The following UPP1 variants were observed in gnomAD, a reference collection of about 807,000 sequenced individuals.
UPP1 encodes the protein uridine phosphorylase 1.
UPP1 carries 25 observed loss-of-function variants against 29.6 expected under a neutral mutation model. That is an observed-to-expected ratio of 0.85 (90% CI 0.62 to 1.18). UPP1 has a LOEUF of 1.18. Among genes scored for constraint, UPP1 ranks in the 50% most tolerant of loss-of-function variants. The probability of loss-of-function intolerance (pLI) is 0.00; values close to 1 mark genes in which losing one functional copy is unlikely to be tolerated. For missense variants in UPP1, 368 were observed against 410.4 expected, an observed-to-expected ratio of 0.90 and a Z score of 0.89; for synonymous variants, 165 against 159.8, an observed-to-expected ratio of 1.03 and a Z score of -0.25.
intron 6 of UPP1, chr7:48,103,847 A>G (rs1665837420): frequency 2.3e-6 from 3 of 1,289,810 alleles, no homozygotes; most frequent in South Asian, 1.2e-5. Context: ...GAGGCGCAGT[A>G]CAAAACTCAG....
intron 2 of UPP1, among the ~76,000 whole-genome samples, chr7:48,093,019 A>C (rs1008640954): frequency 3.3e-5 from 5 of 152,072 alleles, no homozygotes; most frequent in Non-Finnish European, 5.9e-5. Flanking sequence ...TTTCTAAAAA[A>C]ATGAAGAATA....
At chr7:48,094,922 T>C (rs1792045995) in intron 3 of UPP1, 95 bp downstream of exon 3, 5 of 1,386,852 alleles carry the variant, frequency 3.6e-6, no homozygotes, top group East Asian at 2.4e-5. Flanking sequence ...ACTTGACATA[T>C]ATTAACACAT....
intron 2 of UPP1, among the ~76,000 whole-genome samples, chr7:48,090,643 ATGT>A (rs1791776627): frequency 6.6e-6 from 1 of 152,188 alleles, no homozygotes; most frequent in Admixed American, 6.5e-5. Flanking sequence ...AATAGAAAGA[ATGT>A]CTTACTCTGG....
chr7:48,103,296 G>A lies in UPP1; in HGVS notation c.322-1G>A. On this transcript the variant is annotated splice_acceptor_variant, in intron 5 of 8. Coordinates refer to ENST00000395564, the MANE Select transcript of UPP1 (RefSeq NM_003364.4). LOFTEE classifies it high-confidence loss of function. Reference sequence around the variant, plus strand: ...ACATGGGTGTTTCTCCCTGGTTCCAGCATGGTATGGGCATTCCTTCTATCT... The same window carrying A: ...ACATGGGTGTTTCTCCCTGGTTCCAACATGGTATGGGCATTCCTTCTATCT... The A allele has an allele frequency of 6.2e-7, 1 of 1,613,172 alleles. No homozygotes were observed. The highest frequency in any genetic ancestry group is 1.1e-5 in the South Asian group (1 of 91,058).
chr7:48,094,635 A>C (rs1342775443), intron 2 of UPP1, 128 bp from the exon 3 acceptor site: 1 of 728,846 alleles, frequency 1.4e-6, no homozygotes, highest in Non-Finnish European at 2.4e-6. Flanking sequence ...CACACAATTC[A>C]CACACTTACA....
intron 5 of UPP1, 95 bp from the exon 6 acceptor site, chr7:48,103,202 G>A (rs1792527433): frequency 2.3e-6 from 2 of 861,042 alleles, no homozygotes; most frequent in African/African-American, 1.7e-5. Context: ...ATGTCAATGG[G>A]CATGTTAGAT....
At chr7:48,098,583 G>C (rs576141914) in intron 3 of UPP1, among the ~76,000 whole-genome samples, 4 of 152,030 alleles carry the variant, frequency 2.6e-5, no homozygotes, top group Admixed American at 1.3e-4. Flanking sequence ...TGTCTGTGAG[G>C]GGGGTGCATC....
At chr7:48,103,712 C>A in intron 6 of UPP1, 1 of 1,268,626 alleles carries the variant, frequency 7.9e-7, no homozygotes, top group Admixed American at 2.5e-5. Flanking sequence ...CTGTCTTATT[C>A]TTTCTAATCC....
Position 48,108,502 on chromosome 7 carries a change from T to C in UPP1, c.*145T>C. 1.0e-6 allele frequency: 1 copy of C among 953,770 alleles called. No individual in the cohort carries two copies. Among genetic ancestry groups the C allele is most frequent in the Non-Finnish European group, 1.5e-6 (1 of 680,096 alleles). 59.1% of individuals were successfully genotyped at this position (953,770 alleles called of 1,614,324 possible). A position where few individuals can be genotyped will look rare whatever the true frequency, so the allele number is the denominator to read the frequency against. ...CGATTAAGAGACAGAGAATCTTGGA[T>C]TAACCGCATGGGAGATGTTCTTCCT... On this transcript the variant is annotated 3_prime_UTR_variant, in exon 9 of 9. Transcript: ENST00000395564.
chr7:48,090,632 G>T (rs1791775680), intron 2 of UPP1, among the ~76,000 whole-genome samples: 1 of 152,140 alleles, frequency 6.6e-6, no homozygotes, highest in Non-Finnish European at 1.5e-5. Flanking sequence ...TGACTTCCTT[G>T]AATAGAAAGA....
chr7:48,098,231 C>T (rs1389911512), intron 3 of UPP1, among the ~76,000 whole-genome samples: 1 of 152,138 alleles, frequency 6.6e-6, no homozygotes, highest in Non-Finnish European at 1.5e-5. Context: ...CTCACCTGGG[C>T]CCCACTCTAG....
intron 5 of UPP1, 41 bp from the exon 6 acceptor site, chr7:48,103,256 C>T (rs1181387826): frequency 2.6e-6 from 4 of 1,513,976 alleles, no homozygotes; most frequent in Admixed American, 1.7e-5. Context: ...TTGACAAAGT[C>T]ACAACCTTGG....
At chr7:48,093,416 G>A (rs1791952464) in intron 2 of UPP1, among the ~76,000 whole-genome samples, 1 of 152,202 alleles carries the variant, frequency 6.6e-6, no homozygotes, top group Admixed American at 6.5e-5. Flanking sequence ...TCCTACTGAT[G>A]TCTTTATGAG....
intron 5 of UPP1, among the ~76,000 whole-genome samples, chr7:48,102,627 T>C (rs145106206): frequency 4.6e-5 from 7 of 152,254 alleles, no homozygotes; most frequent in African/African-American, 1.7e-4. Context: ...GCGCAAGCCT[T>C]TCCTGTGTGT....
chr7:48,106,537 C>G (rs1041625730), intron 6 of UPP1: 15 of 279,394 alleles, frequency 5.4e-5, no homozygotes, highest in South Asian at 3.1e-4. Context: ...TCTTGAACTC[C>G]TGACCTCAGG....
chr7:48,098,234 C>T (rs1792227790), intron 3 of UPP1, among the ~76,000 whole-genome samples: 1 of 152,180 alleles, frequency 6.6e-6, no homozygotes, highest in East Asian at 1.9e-4. Context: ...ACCTGGGCCC[C>T]ACTCTAGGGG....
intron 2 of UPP1, among the ~76,000 whole-genome samples, chr7:48,091,459 G>T (rs1791830978): frequency 6.6e-6 from 1 of 152,122 alleles, no homozygotes; most frequent in African/African-American, 2.4e-5. Context: ...CCTGTTATGT[G>T]GGGAGGGGAG....
At chr7:48,094,358 G>A (rs1201484710) in intron 2 of UPP1, among the ~76,000 whole-genome samples, 1 of 152,128 alleles carries the variant, frequency 6.6e-6, no homozygotes, top group Non-Finnish European at 1.5e-5. Context: ...TGGGATTACA[G>A]GCGCCTGCCA....
At chr7:48,100,578 C>T (rs896675419) in intron 4 of UPP1, among the ~76,000 whole-genome samples, 2 of 152,160 alleles carry the variant, frequency 1.3e-5, no homozygotes, top group Admixed American at 1.3e-4. Flanking sequence ...TCTTAAGTCC[C>T]TTAGTTCTGA....
Sources: allele counts gnomAD v4.1 joint callset (sites outside exome capture counted in the v4.1 genomes callset), GRCh38; gene constraint gnomAD v4.1.1; transcripts MANE v1.5; gene names NCBI Gene and HGNC (gene_info 2026-07-23, HGNC 2026-07-21).